The following GAS2 variants were observed in gnomAD, a reference collection of about 807,000 sequenced individuals.
GAS2 encodes growth arrest-specific protein 2.
GAS2 carries 20 observed loss-of-function variants against 37.5 expected under a neutral mutation model. The ratio of observed to expected loss-of-function variants is 0.53; its 90% CI spans 0.37 to 0.77. The LOEUF (loss-of-function observed/expected upper bound fraction) is 0.77. GAS2 is among the 30% of genes least tolerant of loss of function. The pLI is 0.00. For synonymous variants in GAS2, 144 were observed against 132.2 expected (o/e 1.09, Z -0.61); for missense variants, 336 against 373.4 (o/e 0.90, Z 0.82).
intron 1 of GAS2, among the ~76,000 whole-genome samples, chr11:22,627,458 G>T: frequency 6.6e-6 from 1 of 152,240 alleles, no homozygotes; most frequent in East Asian, 1.9e-4. Flanking sequence ...GGATAGGAAG[G>T]TCTCTTTAAT....
chr11:22,781,274 T>C (rs1564885918), intron 7 of GAS2, among the ~76,000 whole-genome samples: 1 of 152,100 alleles, frequency 6.6e-6, no homozygotes. Context: ...GAGGTGGGGA[T>C]GGGGGGTCTC....
intron 3 of GAS2, among the ~76,000 whole-genome samples, chr11:22,699,734 T>C (rs1007110370): frequency 9.9e-5 from 15 of 152,136 alleles, no homozygotes; most frequent in Admixed American, 8.5e-4. Flanking sequence ...CCTCATTTGG[T>C]TATTATGGGG....
intron 7 of GAS2, among the ~76,000 whole-genome samples, chr11:22,803,624 C>T (rs1250578621): frequency 6.6e-6 from 1 of 152,044 alleles, no homozygotes; most frequent in Non-Finnish European, 1.5e-5. Context: ...GTATTCCTAT[C>T]TATAAAAGGA....
chr11:22,748,847 C>T (rs1240091756), intron 5 of GAS2, among the ~76,000 whole-genome samples: 1 of 152,016 alleles, frequency 6.6e-6, no homozygotes, highest in African/African-American at 2.4e-5. Context: ...GTTGCTGTTT[C>T]ATTAATATAT....
chr11:22,754,473 ATGTATATATTAAAGT>A (rs1853912784), intron 6 of GAS2, among the ~76,000 whole-genome samples: 1 of 152,090 alleles, frequency 6.6e-6, no homozygotes, highest in Non-Finnish European at 1.5e-5. Flanking sequence ...ACTAATGGCA[ATGTATATATTAAAGT>A]TGGTTCTTTT....
At chr11:22,682,820 T>C (rs114501532) in intron 2 of GAS2, among the ~76,000 whole-genome samples, 2,485 of 131,328 alleles carry the variant, frequency 0.019, 55 homozygotes, top group African/African-American at 0.066. Flanking sequence ...CACTCCAGCC[T>C]GACGAGATCG....
intron 7 of GAS2, among the ~76,000 whole-genome samples, chr11:22,807,507 G>A (rs893154206): frequency 3.9e-5 from 6 of 152,178 alleles, no homozygotes; most frequent in Non-Finnish European, 8.8e-5. Context: ...AAAAGCCTGG[G>A]AGTGGAAGGA....
At chr11:22,780,337 A>C (rs1480824707) in intron 7 of GAS2, among the ~76,000 whole-genome samples, 1 of 152,072 alleles carries the variant, frequency 6.6e-6, no homozygotes. Flanking sequence ...TCTACTAAAA[A>C]TACAAAAATC....
At chr11:22,746,908 T>C (rs1185615406) in intron 5 of GAS2, among the ~76,000 whole-genome samples, 2 of 152,158 alleles carry the variant, frequency 1.3e-5, no homozygotes, top group African/African-American at 4.8e-5. Context: ...GAACAGTTAG[T>C]TCAAAATAAC....
intron 4 of GAS2, among the ~76,000 whole-genome samples, chr11:22,737,167 A>G (rs967372108): frequency 6.6e-6 from 1 of 152,210 alleles, no homozygotes; most frequent in African/African-American, 2.4e-5. Flanking sequence ...TTAGAAGGGC[A>G]CATGAAGTGA....
chr11:22,795,441 G>A (rs1451196661), intron 7 of GAS2, among the ~76,000 whole-genome samples: 1 of 152,074 alleles, frequency 6.6e-6, no homozygotes, highest in African/African-American at 2.4e-5. Context: ...AATTTTTACA[G>A]GGTGATTAGG....
Position 22,629,493 on chromosome 11 carries a change from A to T in GAS2, c.-21+3680A>T, listed in dbSNP as rs148661681. On this transcript the variant is annotated intron_variant, in intron 1 of 5. Coordinates refer to the GAS2 transcript ENST00000528582. Reference sequence around the variant, plus strand: ...ATTGTTCTTTGACTTTTTAATAATGACCATTCTGGCTGGGGTAAGGTGGTA... The same window carrying T: ...ATTGTTCTTTGACTTTTTAATAATGTCCATTCTGGCTGGGGTAAGGTGGTA... 7.9e-5 allele frequency among the ~76,000 whole-genome samples: 12 copies of T among 152,222 alleles called. No individual in the cohort carries two copies. In the East Asian group the frequency reaches 2.1e-3, roughly 27 times the overall value.
chr11:22,695,702 A>G (rs1002438666), intron 3 of GAS2, among the ~76,000 whole-genome samples: 1 of 152,224 alleles, frequency 6.6e-6, no homozygotes, highest in African/African-American at 2.4e-5. Flanking sequence ...CATATTCAAC[A>G]GCTCACAAAT....
intron 7 of GAS2, among the ~76,000 whole-genome samples, chr11:22,789,330 AC>A (rs1253966122): frequency 4.0e-5 from 5 of 124,802 alleles, no homozygotes; most frequent in African/African-American, 1.7e-4. Flanking sequence ...ACACACACAC[AC>A]AAACACACAC....
intron 7 of GAS2, among the ~76,000 whole-genome samples, chr11:22,762,888 A>C (rs1854474287): frequency 2.0e-5 from 3 of 152,204 alleles, no homozygotes; most frequent in Admixed American, 6.5e-5. Flanking sequence ...CCATATTGCC[A>C]GTATAGTCTT....
intron 2 of GAS2, among the ~76,000 whole-genome samples, chr11:22,683,502 G>A (rs1021925991): frequency 6.6e-6 from 1 of 152,104 alleles, no homozygotes; most frequent in South Asian, 2.1e-4. Context: ...CTGATCTCAG[G>A]TGATCTGCCT....
chr11:22,737,560 G>T, intron 4 of GAS2, 145 bp from the exon 5 acceptor site: 1 of 712,638 alleles, frequency 1.4e-6, no homozygotes. Context: ...GATGTATTGA[G>T]GTATGGGATG....
At chr11:22,682,745 G>C (rs1475616729) in intron 2 of GAS2, among the ~76,000 whole-genome samples, 1 of 151,482 alleles carries the variant, frequency 6.6e-6, no homozygotes. Flanking sequence ...GGGCATGGTA[G>C]TGCATGCCTG....
At chr11:22,662,018 A>G (rs142690994), upstream of GAS2, among the ~76,000 whole-genome samples, 60 of 152,308 alleles carry the variant, frequency 3.9e-4, no homozygotes, top group Non-Finnish European at 7.8e-4. Flanking sequence ...AAACATACTT[A>G]GTTTATTTGT....
Sources: gnomAD v4.1 joint callset for allele counts (sites outside exome capture counted in the v4.1 genomes callset) on GRCh38, gnomAD v4.1.1 for gene constraint, MANE v1.5 for transcripts, NCBI Gene and HGNC (gene_info 2026-07-23, HGNC 2026-07-21) for gene names.